VTI1A: variants seen among roughly 807,000 people sequenced by gnomAD.
VTI1A encodes the protein vesicle transport through interaction with t-SNAREs homolog 1A.
Under a neutral mutation model 34.9 loss-of-function variants are expected in VTI1A, and 22 were observed. The observed-to-expected ratio is 0.63, with a 90% confidence interval of 0.45 to 0.90. The LOEUF (loss-of-function observed/expected upper bound fraction) is 0.90, where lower values mean the gene tolerates loss of function less well. VTI1A is among the 40% of genes least tolerant of loss of function. The pLI is 0.00. For missense variants in VTI1A, 268 were observed against 275.6 expected (o/e 0.97, Z 0.20); for synonymous variants, 87 against 97.3 (o/e 0.89, Z 0.62).
intron 5 of VTI1A, among the ~76,000 whole-genome samples, chr10:112,615,938 T>C (rs1212315305): frequency 6.6e-6 from 1 of 152,118 alleles, no homozygotes; most frequent in Non-Finnish European, 1.5e-5. Context: ...ATATTTAGCC[T>C]CTTCATGGGC....
intron 7 of VTI1A, among the ~76,000 whole-genome samples, chr10:112,757,288 T>C (rs1029217121): frequency 6.6e-6 from 1 of 151,200 alleles, no homozygotes; most frequent in African/African-American, 2.4e-5. Flanking sequence ...TTGCCCATTT[T>C]CCAACTTATT....
At chr10:112,594,002 C>T (rs926396834) in intron 5 of VTI1A, among the ~76,000 whole-genome samples, 1 of 152,142 alleles carries the variant, frequency 6.6e-6, no homozygotes, top group African/African-American at 2.4e-5. Flanking sequence ...CTCTGTCTCC[C>T]GGGTTCCCGC....
chr10:112,447,897 A>G (rs1846980714), intron 1 of VTI1A, among the ~76,000 whole-genome samples: 2 of 152,192 alleles, frequency 1.3e-5, no homozygotes, highest in Admixed American at 1.3e-4. Flanking sequence ...AAATAGAGGT[A>G]AGAATCAGGG....
At chr10:112,793,541 A>G (rs1022111323) in intron 7 of VTI1A, among the ~76,000 whole-genome samples, 4 of 152,252 alleles carry the variant, frequency 2.6e-5, no homozygotes, top group Admixed American at 6.5e-5. Context: ...CATGACTCCA[A>G]TGTACCACAC....
rs992615572 is a variant in VTI1A at position 112,706,683 on chromosome 10, C to T, written c.560+37685C>T. On this transcript the variant is annotated intron_variant, in intron 7 of 7. Transcript: ENST00000393077. ...TCCATAGCACATGTGGCCTTTCCCACTCTGAACCATAACTGCTTTCGACTT... is the reference window on the plus strand; with the variant it reads ...TCCATAGCACATGTGGCCTTTCCCATTCTGAACCATAACTGCTTTCGACTT... Among the ~76,000 whole-genome samples, 19 of 152,206 alleles carry T rather than the reference C, an allele frequency of 1.2e-4. 1 individual carries two copies. Among genetic ancestry groups the T allele is most frequent in the Admixed American group, 1.1e-3 (17 of 15,284 alleles).
At chr10:112,822,462 G>A (rs1405448833), downstream of VTI1A, among the ~76,000 whole-genome samples, 1 of 152,194 alleles carries the variant, frequency 6.6e-6, no homozygotes, top group African/African-American at 2.4e-5. Flanking sequence ...CAGGAAAATT[G>A]TGTCCCTCCT....
At chr10:112,506,422 C>G (rs1259670744) in intron 3 of VTI1A, among the ~76,000 whole-genome samples, 1 of 152,110 alleles carries the variant, frequency 6.6e-6, no homozygotes, top group African/African-American at 2.4e-5. Context: ...AATACATCCC[C>G]CACAGATGAG....
chr10:112,704,067 C>A (rs930344889), intron 7 of VTI1A, among the ~76,000 whole-genome samples: 2 of 152,124 alleles, frequency 1.3e-5, no homozygotes, highest in Non-Finnish European at 1.5e-5. Flanking sequence ...GTCTTTTCTT[C>A]GGTCTTATTT....
intron 5 of VTI1A, among the ~76,000 whole-genome samples, chr10:112,573,966 A>G (rs1207029118): frequency 2.0e-5 from 3 of 152,226 alleles, no homozygotes; most frequent in Non-Finnish European, 4.4e-5. Flanking sequence ...GATAAAGTAC[A>G]TTGTTAAAAG....
At chr10:112,575,618 C>T (rs551087549) in intron 5 of VTI1A, among the ~76,000 whole-genome samples, 1 of 152,144 alleles carries the variant, frequency 6.6e-6, no homozygotes, top group Non-Finnish European at 1.5e-5. Flanking sequence ...ATTAATACTG[C>T]CCTCATTTAA....
At chr10:112,839,826 G>T in the VTI1A span, among the ~76,000 whole-genome samples, 1 of 152,164 alleles carries the variant, frequency 6.6e-6, no homozygotes, top group South Asian at 2.1e-4. Context: ...GCTGTCAATG[G>T]GACCATCTCC....
intron 7 of VTI1A, among the ~76,000 whole-genome samples, chr10:112,673,247 G>A (rs867631681): frequency 4.3e-4 from 65 of 149,756 alleles, no homozygotes; most frequent in South Asian, 1.5e-3. Context: ...CCTGGGAGGC[G>A]AAAGGTTGCA....
intron 7 of VTI1A, among the ~76,000 whole-genome samples, chr10:112,690,083 C>T (rs995982192): frequency 6.6e-6 from 1 of 152,130 alleles, no homozygotes; most frequent in African/African-American, 2.4e-5. Flanking sequence ...CATGTAGTTG[C>T]ATATGTCAGT....
chr10:112,769,549 C>T (rs567664721), intron 7 of VTI1A, among the ~76,000 whole-genome samples: 1 of 152,274 alleles, frequency 6.6e-6, no homozygotes, highest in African/African-American at 2.4e-5. Flanking sequence ...CTGGGTGCAC[C>T]ACCCCTCCAT....
intron 3 of VTI1A, among the ~76,000 whole-genome samples, chr10:112,518,682 CAT>C (rs1849899129): frequency 6.8e-6 from 1 of 147,808 alleles, no homozygotes; most frequent in Admixed American, 6.8e-5. Flanking sequence ...CACACACACA[CAT>C]AACTTTTTAA....
At chr10:112,459,101 G>A (rs970982706) in intron 1 of VTI1A, among the ~76,000 whole-genome samples, 3 of 152,096 alleles carry the variant, frequency 2.0e-5, no homozygotes, top group Non-Finnish European at 4.4e-5. Context: ...AGTCTCATTA[G>A]GCTCCCATGT....
intron 7 of VTI1A, among the ~76,000 whole-genome samples, chr10:112,670,761 G>C (rs1564876476): frequency 6.6e-6 from 1 of 152,142 alleles, no homozygotes; most frequent in African/African-American, 2.4e-5. Context: ...TCTCTTTGTA[G>C]GCAAACTCAG....
downstream of VTI1A, among the ~76,000 whole-genome samples, chr10:112,822,278 G>A (rs1326404762): frequency 5.3e-5 from 8 of 152,206 alleles, no homozygotes; most frequent in African/African-American, 1.9e-4. Flanking sequence ...TCTAAGGATT[G>A]CGTTCTGGCT....
At chr10:112,596,719 C>G (rs1844661858) in intron 5 of VTI1A, among the ~76,000 whole-genome samples, 1 of 152,132 alleles carries the variant, frequency 6.6e-6, no homozygotes. Context: ...TATTACATTT[C>G]TTTGTCACGA....
Sources: gnomAD v4.1 joint callset for allele counts (sites outside exome capture counted in the v4.1 genomes callset) on GRCh38, gnomAD v4.1.1 for gene constraint, MANE v1.5 for transcripts, NCBI Gene and HGNC (gene_info 2026-07-23, HGNC 2026-07-21) for gene names.